The following HCN1 variants were observed in gnomAD, a reference collection of about 807,000 sequenced individuals.
The protein encoded by HCN1 is hyperpolarization activated cyclic nucleotide gated potassium channel 1.
A neutral mutation model predicts 78.9 loss-of-function variants in HCN1; 13 were observed. That is an observed-to-expected ratio of 0.16 (90% CI 0.11 to 0.26). The LOEUF is 0.26. Ranked by LOEUF, HCN1 falls within the 10% of genes least tolerant of loss-of-function variation. The pLI is 1.00. For missense variants in HCN1, 810 were observed against 1,154.3 expected (o/e 0.70, Z 4.32); for synonymous variants, 552 against 455.5 (o/e 1.21, Z -2.70).
chr5:45,383,952 G>A (rs902215167), intron 4 of HCN1, among the ~76,000 whole-genome samples: 1 of 152,000 alleles, frequency 6.6e-6, no homozygotes, highest in African/African-American at 2.4e-5. Flanking sequence ...TACAACATCT[G>A]AGAAACAGGT....
At chr5:45,277,500 T>G (rs1745088093) in intron 6 of HCN1, among the ~76,000 whole-genome samples, 1 of 152,126 alleles carries the variant, frequency 6.6e-6, no homozygotes, top group Non-Finnish European at 1.5e-5. Flanking sequence ...AGGCTGTGTC[T>G]GTCCTAGGAG....
intron 2 of HCN1, among the ~76,000 whole-genome samples, chr5:45,517,536 A>C (rs1742536492): frequency 6.6e-6 from 1 of 150,778 alleles, no homozygotes; most frequent in South Asian, 2.1e-4. Context: ...AAAAAAAAAA[A>C]AAAAAAAACA....
intron 2 of HCN1, among the ~76,000 whole-genome samples, chr5:45,470,859 G>C (rs985811940): frequency 2.6e-5 from 4 of 151,864 alleles, no homozygotes; most frequent in Admixed American, 2.6e-4. Context: ...CCTCTCACTT[G>C]CTTTAATCAG....
intron 2 of HCN1, among the ~76,000 whole-genome samples, chr5:45,536,215 T>C (rs2111814867): frequency 6.6e-6 from 1 of 152,318 alleles, no homozygotes; most frequent in African/African-American, 2.4e-5. Flanking sequence ...TTTACTGTAT[T>C]TTTGGATCTG....
chr5:45,399,698 GCA>G lies in HCN1; in HGVS notation c.1012-2990_1012-2989del, dbSNP rs200720848. On this transcript the variant is annotated intron_variant, in intron 3 of 7. Coordinates refer to ENST00000303230, the MANE Select transcript of HCN1 (RefSeq NM_021072.4). ...GCCCAGTCTTATAAACCTTGGAACTGCACATAGTTGCTAAAAAATAAAGAAAA... is the reference window on the plus strand; with the variant it reads ...GCCCAGTCTTATAAACCTTGGAACTGCATAGTTGCTAAAAAATAAAGAAAA... Among the ~76,000 whole-genome samples, 778 of 152,214 alleles carry G rather than the reference GCA, an allele frequency of 5.1e-3. 5 individuals are homozygous for G. The highest frequency in any genetic ancestry group is 7.8e-3 in the Non-Finnish European group (530 of 68,012).
chr5:45,288,774 C>A (rs1183674071), intron 6 of HCN1, among the ~76,000 whole-genome samples: 3 of 152,002 alleles, frequency 2.0e-5, no homozygotes, highest in Non-Finnish European at 2.9e-5. Context: ...GGTACCATTG[C>A]ACAGTTCTAG....
At chr5:45,656,481 CAT>C (rs1745766244) in intron 1 of HCN1, among the ~76,000 whole-genome samples, 1 of 152,146 alleles carries the variant, frequency 6.6e-6, no homozygotes, top group African/African-American at 2.4e-5. Context: ...GAGCAGCAAA[CAT>C]AGTGCTAGTC....
intron 4 of HCN1, among the ~76,000 whole-genome samples, chr5:45,371,764 A>T (rs1001809868): frequency 5.0e-4 from 71 of 143,224 alleles, no homozygotes; most frequent in African/African-American, 1.2e-3. Context: ...CTCAAAAAAA[A>T]AAATATATAT....
chr5:45,552,711 A>T (rs1010058542), intron 2 of HCN1, among the ~76,000 whole-genome samples: 1 of 152,018 alleles, frequency 6.6e-6, no homozygotes, highest in African/African-American at 2.4e-5. Context: ...ACTCAAAAAT[A>T]GCATTTAGCT....
At chr5:45,573,908 G>A (rs1304325573) in intron 2 of HCN1, among the ~76,000 whole-genome samples, 2 of 151,924 alleles carry the variant, frequency 1.3e-5, no homozygotes, top group Non-Finnish European at 2.9e-5. Flanking sequence ...TTTATTTTAT[G>A]AGAAAAATAC....
At chr5:45,266,568 C>A (rs1342091939) in intron 7 of HCN1, among the ~76,000 whole-genome samples, 1 of 151,906 alleles carries the variant, frequency 6.6e-6, no homozygotes, top group African/African-American at 2.4e-5. Flanking sequence ...GTTTAGCTAG[C>A]AAAAATAGAC....
chr5:45,427,439 C>A (rs1740375057), intron 3 of HCN1, among the ~76,000 whole-genome samples: 1 of 151,988 alleles, frequency 6.6e-6, no homozygotes, highest in Admixed American at 6.6e-5. Context: ...TATAACTGTT[C>A]TGCTAATAAA....
At position 45,645,643 on chromosome 5, in the gene HCN1, A is replaced by G. The variant is rs764665969; in HGVS notation, c.426-35T>C. On this transcript the variant is annotated intron_variant, in intron 1 of 7. Coordinates refer to ENST00000303230, the MANE Select transcript of HCN1 (RefSeq NM_021072.4). ...ATAAAAAAATCAGATTTTAAGATAT[A>G]GAAAATAACCAGCCTATCCCCCCCA... 3 of 1,445,054 alleles carry G rather than the reference A, an allele frequency of 2.1e-6. No individual in the cohort carries two copies. The East Asian group carries it at 6.8e-5, about 33-fold the overall frequency. The allele number at this position is 1,445,054 out of a possible 1,614,324, so 89.5% of individuals were successfully genotyped here.
intron 6 of HCN1, among the ~76,000 whole-genome samples, chr5:45,300,727 T>C (rs1278499133): frequency 6.6e-6 from 1 of 152,122 alleles, no homozygotes; most frequent in Non-Finnish European, 1.5e-5. Flanking sequence ...TTGTTCAAGA[T>C]CAACTGTATA....
At chr5:45,305,249 A>C (rs1745702379) in intron 5 of HCN1, among the ~76,000 whole-genome samples, 2 of 152,168 alleles carry the variant, frequency 1.3e-5, no homozygotes, top group South Asian at 4.1e-4. Context: ...TTACTTCATA[A>C]AATAACCTAA....
chr5:45,386,513 A>G (rs1038219833), intron 4 of HCN1, among the ~76,000 whole-genome samples: 2 of 151,972 alleles, frequency 1.3e-5, no homozygotes, highest in Admixed American at 6.6e-5. Flanking sequence ...CTTTCTGCGC[A>G]TCTACTTTTA....
At chr5:45,412,434 C>A (rs1740042352) in intron 3 of HCN1, among the ~76,000 whole-genome samples, 1 of 152,030 alleles carries the variant, frequency 6.6e-6, no homozygotes, top group South Asian at 2.1e-4. Context: ...GAGCCGGGAA[C>A]AGTGTAAGTC....
At chr5:45,545,553 T>C (rs1011301296) in intron 2 of HCN1, among the ~76,000 whole-genome samples, 1 of 152,016 alleles carries the variant, frequency 6.6e-6, no homozygotes, top group African/African-American at 2.4e-5. Flanking sequence ...ATTGCCTAGG[T>C]TTTCTTCTAG....
chr5:45,321,736 G>A (rs187618552), intron 5 of HCN1, among the ~76,000 whole-genome samples: 126 of 151,718 alleles, frequency 8.3e-4, no homozygotes, highest in South Asian at 8.3e-4. Flanking sequence ...ATAGCAATAC[G>A]TTTACTGTTG....
Sources: allele counts gnomAD v4.1 joint callset (sites outside exome capture counted in the v4.1 genomes callset), GRCh38; gene constraint gnomAD v4.1.1; transcripts MANE v1.5; gene names NCBI Gene and HGNC (gene_info 2026-07-23, HGNC 2026-07-21).